TRIM37: variants seen among roughly 807,000 people sequenced by gnomAD.
TRIM37 encodes the protein tripartite motif containing 37, also known as E3 ubiquitin-protein ligase TRIM37.
Under a neutral mutation model 129.8 loss-of-function variants are expected in TRIM37, and 80 were observed. That is an observed-to-expected ratio of 0.62 (90% CI 0.51 to 0.74). The LOEUF (loss-of-function observed/expected upper bound fraction) is 0.74. TRIM37 is among the 30% of genes least tolerant of loss of function. The probability of loss-of-function intolerance (pLI) is 0.00; values close to 1 mark genes in which losing one functional copy is unlikely to be tolerated. For synonymous variants in TRIM37, 389 were observed against 387.1 expected (o/e 1.00, Z -0.06); for missense variants, 1,054 against 1,176.5 (o/e 0.90, Z 1.52).
intron 13 of TRIM37, among the ~76,000 whole-genome samples, chr17:59,054,083 C>A (rs1463540088): frequency 6.6e-6 from 1 of 152,114 alleles, no homozygotes; most frequent in Non-Finnish European, 1.5e-5. Context: ...CCAGTATGCT[C>A]AAGAACAAAG....
At chr17:59,096,561 AAC>A (rs1491506979) in intron 2 of TRIM37, among the ~76,000 whole-genome samples, 2 of 141,696 alleles carry the variant, frequency 1.4e-5, no homozygotes, top group African/African-American at 2.5e-5. Flanking sequence ...AAAAAAAAAA[AAC>A]AAAAAAAAAA....
intron 23 of TRIM37, among the ~76,000 whole-genome samples, chr17:59,001,393 G>T (rs1256213641): frequency 2.0e-5 from 3 of 149,732 alleles, no homozygotes; most frequent in African/African-American, 7.4e-5. Context: ...TACTGGCTGT[G>T]TTTTTTTAGT....
intron 8 of TRIM37, among the ~76,000 whole-genome samples, chr17:59,071,921 GA>G (rs1408970727): frequency 9.9e-5 from 15 of 152,194 alleles, no homozygotes; most frequent in African/African-American, 3.6e-4. Context: ...TAAGGATTAT[GA>G]AGCTATAGTG....
At chr17:59,098,559 A>G (rs1373727044) in intron 2 of TRIM37, among the ~76,000 whole-genome samples, 1 of 151,718 alleles carries the variant, frequency 6.6e-6, no homozygotes, top group African/African-American at 2.4e-5. Context: ...CAGCTACTCA[A>G]GAGTGTGAAG....
chr17:59,081,042 T>A, intron 6 of TRIM37, 55 bp downstream of exon 6: 2 of 978,052 alleles, frequency 2.0e-6, no homozygotes, highest in Non-Finnish European at 2.7e-6. Context: ...TATAAATATA[T>A]TATTATATAT....
chr17:59,018,721 T>TG (rs1303733493), intron 19 of TRIM37, among the ~76,000 whole-genome samples: 9 of 151,506 alleles, frequency 5.9e-5, no homozygotes, highest in African/African-American at 2.2e-4. Flanking sequence ...ATAGTAGCTG[T>TG]GTTTTTTTTT....
At chr17:58,982,806 C>A (rs1357847473) in exon 25 of TRIM37, 23 of 1,092,386 alleles carry the variant, frequency 2.1e-5, no homozygotes, top group South Asian at 3.0e-5. Flanking sequence ...AGTGCCGGAA[C>A]CTTTTCATCA....
chr17:59,060,079 T>C (rs780145704), intron 12 of TRIM37, among the ~76,000 whole-genome samples: 1 of 152,196 alleles, frequency 6.6e-6, no homozygotes, highest in African/African-American at 2.4e-5. Flanking sequence ...TCTCTGCAGC[T>C]TTCTCCTCTC....
chr17:59,006,680 G>A (rs1567952310), intron 22 of TRIM37, among the ~76,000 whole-genome samples: 1 of 152,100 alleles, frequency 6.6e-6, no homozygotes, highest in Non-Finnish European at 1.5e-5. Context: ...CCCGAGGTCA[G>A]GAGTTCGAGA....
At chr17:58,984,999 T>A (rs1411571720) in intron 24 of TRIM37, 1 of 152,666 alleles carries the variant, frequency 6.6e-6, no homozygotes, top group East Asian at 1.9e-4. Flanking sequence ...GTGAAGCGAA[T>A]GAAGTGAATA....
chr17:58,983,546 C>T (rs1015790296), intron 24 of TRIM37: 1 of 152,620 alleles, frequency 6.6e-6, no homozygotes, highest in African/African-American at 2.4e-5. Context: ...AACCCTCTAA[C>T]TAATGGTATC....
intron 19 of TRIM37, among the ~76,000 whole-genome samples, chr17:59,021,922 T>TA (rs899252728): frequency 1.3e-5 from 2 of 151,830 alleles, no homozygotes; most frequent in Non-Finnish European, 2.9e-5. Flanking sequence ...AATTAAAAAT[T>TA]AAAAAAATTA....
At chr17:59,061,272 T>G (rs1298967033) in intron 11 of TRIM37, among the ~76,000 whole-genome samples, 164 bp from the exon 12 acceptor site, 3 of 151,944 alleles carry the variant, frequency 2.0e-5, no homozygotes, top group Non-Finnish European at 2.9e-5. Context: ...ACTTTAAACT[T>G]TTGTGCATTA....
chr17:59,093,375 C>T (rs1047943260), intron 2 of TRIM37, among the ~76,000 whole-genome samples: 2 of 152,160 alleles, frequency 1.3e-5, no homozygotes, highest in African/African-American at 4.8e-5. Context: ...TATAACCCAG[C>T]AAGGTAATGT....
intron 9 of TRIM37, among the ~76,000 whole-genome samples, chr17:59,069,862 C>A (rs971372754): frequency 6.6e-6 from 1 of 152,150 alleles, no homozygotes; most frequent in African/African-American, 2.4e-5. Flanking sequence ...TCTCTCCAAG[C>A]AAGAACAGAG....
intron 5 of TRIM37, among the ~76,000 whole-genome samples, chr17:59,082,435 T>C (rs1379606013): frequency 2.0e-5 from 3 of 152,214 alleles, no homozygotes; most frequent in African/African-American, 7.2e-5. Context: ...CTATAATTTA[T>C]CAAGCCAATT....
chr17:58,969,559 C>T, the TRIM37 span: 33 of 1,614,030 alleles, frequency 2.0e-5, no homozygotes, highest in African/African-American at 4.0e-4. Flanking sequence ...AACAAGCTTA[C>T]TTTGCAGTGT....
downstream of TRIM37, among the ~76,000 whole-genome samples, chr17:58,993,459 G>A (rs1374353899): frequency 2.0e-5 from 3 of 152,162 alleles, no homozygotes; most frequent in Non-Finnish European, 4.4e-5. Context: ...CTACTGCTCA[G>A]CAATAAAAAA....
intron 22 of TRIM37, among the ~76,000 whole-genome samples, chr17:59,006,611 G>T (rs1202411229): frequency 6.6e-6 from 1 of 152,106 alleles, no homozygotes; most frequent in African/African-American, 2.4e-5. Flanking sequence ...GGCTGGCTGG[G>T]TGCGCGGTGG....
Sources: gnomAD v4.1 joint callset for allele counts (sites outside exome capture counted in the v4.1 genomes callset) on GRCh38, gnomAD v4.1.1 for gene constraint, MANE v1.5 for transcripts, NCBI Gene and HGNC (gene_info 2026-07-23, HGNC 2026-07-21) for gene names.